The following GLIS3 variants were observed in gnomAD, a reference collection of about 807,000 sequenced individuals.
GLIS3 encodes the protein zinc finger protein GLIS3.
In GLIS3, 53 loss-of-function variants were observed where a neutral mutation model predicts 78.6. That is an observed-to-expected ratio of 0.67 (90% CI 0.54 to 0.85). The LOEUF is 0.85. GLIS3 is among the 40% of genes least tolerant of loss of function. GLIS3 has a pLI of 0.00. For synonymous variants in GLIS3, 684 were observed against 509.9 expected (o/e 1.34, Z -4.60); for missense variants, 1,703 against 1,231.1 (o/e 1.38, Z -5.74).
chr9:4,412,119 C>CA, the GLIS3 span, among the ~76,000 whole-genome samples: 1 of 152,314 alleles, frequency 6.6e-6, no homozygotes, highest in Non-Finnish European at 1.5e-5. Flanking sequence ...CTCATCCTAC[C>CA]ACCCAAATAG....
intron 2 of GLIS3, among the ~76,000 whole-genome samples, chr9:4,160,608 T>C (rs558820748): frequency 9.8e-5 from 15 of 152,352 alleles, no homozygotes; most frequent in African/African-American, 3.4e-4. Flanking sequence ...CCAAGCTTGT[T>C]TGACAGTTTT....
chr9:4,193,729 T>G (rs1273376750), intron 2 of GLIS3, among the ~76,000 whole-genome samples: 2 of 152,172 alleles, frequency 1.3e-5, no homozygotes, highest in Non-Finnish European at 2.9e-5. Context: ...AGGAATGAGG[T>G]GCTCTTGAGG....
chr9:4,405,356 A>AG, the GLIS3 span, among the ~76,000 whole-genome samples: 1 of 148,592 alleles, frequency 6.7e-6, no homozygotes, highest in African/African-American at 2.6e-5. Context: ...CTCCATCTTA[A>AG]AAAAAAAAGA....
intron 2 of GLIS3, among the ~76,000 whole-genome samples, chr9:4,335,331 T>C (rs1489378306): frequency 6.6e-6 from 1 of 152,184 alleles, no homozygotes; most frequent in Non-Finnish European, 1.5e-5. Context: ...CTAAGCCAAT[T>C]AACCTGTGAA....
the GLIS3 span, among the ~76,000 whole-genome samples, chr9:4,437,327 A>C: frequency 6.6e-6 from 1 of 152,126 alleles, no homozygotes; most frequent in Non-Finnish European, 1.5e-5. Flanking sequence ...AACCATCAAA[A>C]TATTTGTATG....
At chr9:4,133,100 G>C (rs1833096030) in intron 2 of GLIS3, among the ~76,000 whole-genome samples, 2 of 152,154 alleles carry the variant, frequency 1.3e-5, no homozygotes, top group South Asian at 4.1e-4. Context: ...ATTAGATAAA[G>C]TTGAAGCTCA....
At chr9:3,955,865 G>T (rs1266279651) in intron 4 of GLIS3, among the ~76,000 whole-genome samples, 2 of 151,900 alleles carry the variant, frequency 1.3e-5, no homozygotes, top group African/African-American at 4.8e-5. Flanking sequence ...AAAAATCTGG[G>T]AGAAGAAAGA....
chr9:4,296,358 CTCCTGCAT>C (rs1816507829), intron 1 of GLIS3, among the ~76,000 whole-genome samples: 1 of 151,304 alleles, frequency 6.6e-6, no homozygotes, highest in African/African-American at 2.4e-5. Flanking sequence ...GGACCACTTT[CTCCTGCAT>C]AAATGAAGGC....
the GLIS3 span, among the ~76,000 whole-genome samples, chr9:4,432,363 G>T: frequency 3.3e-5 from 5 of 152,130 alleles, no homozygotes; most frequent in Non-Finnish European, 5.9e-5. Context: ...AAACAGAAGT[G>T]GGGGGACAGC....
chr9:3,847,657 G>T (rs1294999096), intron 9 of GLIS3, among the ~76,000 whole-genome samples: 2 of 152,164 alleles, frequency 1.3e-5, no homozygotes, highest in African/African-American at 4.8e-5. Flanking sequence ...CACCTTTTCT[G>T]GTTCACATGA....
At chr9:4,370,912 A>G in the GLIS3 span, among the ~76,000 whole-genome samples, 312 of 152,234 alleles carry the variant, frequency 2.0e-3, 2 homozygotes, top group Non-Finnish European at 4.3e-4. Flanking sequence ...AAAAGATATC[A>G]TAACGCCTTC....
chr9:4,122,784 G>T (rs1280020540), intron 3 of GLIS3, among the ~76,000 whole-genome samples: 7 of 152,228 alleles, frequency 4.6e-5, no homozygotes, highest in Admixed American at 4.6e-4. Context: ...TTGTTAGACT[G>T]CTCTATGAAA....
At chr9:4,171,822 C>G (rs1816399491) in intron 2 of GLIS3, among the ~76,000 whole-genome samples, 2 of 152,146 alleles carry the variant, frequency 1.3e-5, no homozygotes, top group South Asian at 4.1e-4. Flanking sequence ...AACAAATACT[C>G]AAACGTCAAA....
chr9:4,427,177 T>A, the GLIS3 span, among the ~76,000 whole-genome samples: 4 of 152,202 alleles, frequency 2.6e-5, no homozygotes, highest in Non-Finnish European at 5.9e-5. Context: ...GTAAGTTGGA[T>A]GCTCCATTGA....
At chr9:3,953,778 T>TCC (rs1563886437) in intron 4 of GLIS3, among the ~76,000 whole-genome samples, 3 of 38,354 alleles carry the variant, frequency 7.8e-5, no homozygotes, top group African/African-American at 3.1e-4. Context: ...TCTCTCTCTC[T>TCC]CTCTCTCTCT....
rs755318788 is a variant in GLIS3, at chr9:4,118,148, G to A, written c.1330C>T (p.Pro444Ser). The part of the protein sequence containing the change: ...EEFPGSTVDL[P>S]PAPPLPPLPP... ...AGAGGAGGGAGCGGAGGCGCGGGGGGTAGGTCTACGGTGCTGCCCGGGAAC... is the reference window on the plus strand; with the variant it reads ...AGAGGAGGGAGCGGAGGCGCGGGGGATAGGTCTACGGTGCTGCCCGGGAAC... Residue 444 changes from proline to serine, a missense_variant, in exon 4 of 11, where the codon CCC (proline) becomes TCC (serine). By Grantham distance (74) the Pro-to-Ser change is moderately conservative. Coordinates refer to ENST00000381971, the MANE Select transcript of GLIS3 (RefSeq NM_001042413.2). The surrounding 1 kb of genome is among the most constrained non-coding windows in gnomAD (Gnocchi z 4.7). 36 of 1,555,028 alleles carry A rather than the reference G, an allele frequency of 2.3e-5. No homozygotes were observed. In the African/African-American group the frequency reaches 3.8e-4, roughly 16 times the overall value.
upstream of GLIS3, among the ~76,000 whole-genome samples, chr9:4,302,113 T>C (rs1298244743): frequency 6.6e-6 from 1 of 152,178 alleles, no homozygotes; most frequent in African/African-American, 2.4e-5. Context: ...ATGAGATCTG[T>C]ACCTCTTCTG....
intron 4 of GLIS3, among the ~76,000 whole-genome samples, chr9:3,964,297 T>C (rs1817769246): frequency 6.6e-6 from 1 of 152,212 alleles, no homozygotes; most frequent in Admixed American, 6.5e-5. Flanking sequence ...CAGCTAGTAA[T>C]AACAGAAGCA....
chr9:4,117,892 C>T lies in GLIS3; in HGVS notation c.1586G>A (p.Arg529His). The change falls in exon 4 of 11, where the codon CGC (arginine) becomes CAC (histidine). Residue 529 changes from arginine (R) to histidine (H), a missense_variant. By Grantham distance (29) the Arg-to-His change is conservative. Transcript: ENST00000381971. Reference protein sequence around the residue: ...RHIEKVHIDQRKGEDFTCFWA... With the variant: ...RHIEKVHIDQHKGEDFTCFWA... ...GAAGCAAGTGAAGTCCTCCCCTTTG[C>T]GCTGGTCGATGTGGACCTTCTCGAT... 1.2e-6 allele frequency: 2 copies of T among 1,614,166 alleles called. No individual in the cohort carries two copies. The highest frequency in any genetic ancestry group is 1.7e-6 in the Non-Finnish European group (2 of 1,180,028).
Sources: gnomAD v4.1 joint callset for allele counts (sites outside exome capture counted in the v4.1 genomes callset) on GRCh38, gnomAD v4.1.1 for gene constraint, Gnocchi (gnomAD v3.1) non-coding constraint, MANE v1.5 for transcripts, NCBI Gene and HGNC (gene_info 2026-07-23, HGNC 2026-07-21) for gene names.